Variants in MACROD2 observed in about 807,000 individuals in gnomAD.
MACROD2 encodes the protein ADP-ribose glycohydrolase MACROD2.
In MACROD2, 36 loss-of-function variants were observed where a neutral mutation model predicts 70.4. The ratio of observed to expected loss-of-function variants is 0.51; its 90% CI spans 0.39 to 0.68. The LOEUF (loss-of-function observed/expected upper bound fraction) is 0.68, where lower values mean the gene tolerates loss of function less well. Among genes scored for constraint, MACROD2 ranks in the 30% least tolerant of loss-of-function variants. The probability of loss-of-function intolerance (pLI) is 0.00; values close to 1 mark genes in which losing one functional copy is unlikely to be tolerated. For missense variants in MACROD2, 496 were observed against 538.4 expected (o/e 0.92, Z 0.78); for synonymous variants, 172 against 178.8 (o/e 0.96, Z 0.30).
chr20:14,174,480 T>C (rs1397254061), intron 3 of MACROD2, among the ~76,000 whole-genome samples: 1 of 152,034 alleles, frequency 6.6e-6, no homozygotes, highest in African/African-American at 2.4e-5. Flanking sequence ...CTCACCCAGC[T>C]CCCATACAGC....
intron 4 of MACROD2, chr20:14,636,459 AC>A (rs984866576): frequency 2.6e-5 from 4 of 151,732 alleles, no homozygotes; most frequent in Admixed American, 1.3e-4. Context: ...TTAAGCTTAC[AC>A]CCCTGATTGA....
intron 4 of MACROD2, among the ~76,000 whole-genome samples, chr20:14,507,773 G>A (rs1195020309): frequency 6.6e-6 from 1 of 152,182 alleles, no homozygotes; most frequent in Non-Finnish European, 1.5e-5. Flanking sequence ...GGTGGCCCAT[G>A]TCCGTGATAC....
chr20:16,004,319 G>A lies in MACROD2; in HGVS notation c.1153+17161G>A, dbSNP rs560273541. Among the ~76,000 whole-genome samples the A allele has an allele frequency of 5.3e-4, 81 of 152,294 alleles. 1 individual carries two copies. The highest frequency in any genetic ancestry group is 1.3e-3 in the African/African-American group (55 of 41,560). ...ATGGACAAGGGAACACAGAGACCGC[G>A]TGCCTAGGTTAGAAGAGTACAGAAC... On this transcript the variant is annotated intron_variant, in intron 15 of 17. Transcript: ENST00000684519.
At position 15,803,172 on chromosome 20, in the gene MACROD2, C is replaced by T. The variant is rs75958409; in HGVS notation, c.646-59573C>T. Reference sequence around the variant, plus strand: ...CTAACTCACCCTATGAGGCTAGCATCACTCTGATACCAAAACCAGGCAAGG... The same window carrying T: ...CTAACTCACCCTATGAGGCTAGCATTACTCTGATACCAAAACCAGGCAAGG... On this transcript the variant is annotated intron_variant, in intron 8 of 17. Transcript: ENST00000684519. 1.7e-3 allele frequency among the ~76,000 whole-genome samples: 252 copies of T among 152,196 alleles called. 2 individuals are homozygous for T. In the East Asian group the frequency reaches 0.036, roughly 22 times the overall value.
chr20:15,360,295 C>G (rs959904290), intron 6 of MACROD2, among the ~76,000 whole-genome samples: 1 of 152,052 alleles, frequency 6.6e-6, no homozygotes, highest in African/African-American at 2.4e-5. Flanking sequence ...TTGACTATTA[C>G]AAATAAAAGT....
intron 3 of MACROD2, among the ~76,000 whole-genome samples, chr20:14,329,739 A>C (rs1460024930): frequency 2.6e-5 from 4 of 151,804 alleles, no homozygotes; most frequent in African/African-American, 9.7e-5. Context: ...CTTTTTAGGC[A>C]TTTCTGAACA....
chr20:14,682,034 T>C (rs150050197), intron 4 of MACROD2, among the ~76,000 whole-genome samples: 1 of 152,172 alleles, frequency 6.6e-6, no homozygotes, highest in Non-Finnish European at 1.5e-5. Context: ...GCTGTAGTTA[T>C]TATTATTAAA....
At chr20:14,372,892 A>AC (rs910575477) in intron 3 of MACROD2, among the ~76,000 whole-genome samples, 14 of 152,280 alleles carry the variant, frequency 9.2e-5, no homozygotes, top group Non-Finnish European at 1.8e-4. Context: ...GCCTTATTCT[A>AC]CCATGGCTTT....
At chr20:15,436,683 C>T (rs1203901852) in intron 7 of MACROD2, among the ~76,000 whole-genome samples, 1 of 151,780 alleles carries the variant, frequency 6.6e-6, no homozygotes, top group Non-Finnish European at 1.5e-5. Flanking sequence ...TATTTGAAGC[C>T]CTCTTCCTCC....
chr20:15,650,192 G>A (rs1329416833), intron 8 of MACROD2, among the ~76,000 whole-genome samples: 1 of 152,058 alleles, frequency 6.6e-6, no homozygotes, highest in Non-Finnish European at 1.5e-5. Context: ...AATCTGGCTG[G>A]GCTCAGCAAT....
At chr20:15,079,259 A>G (rs1053977318) in intron 5 of MACROD2, among the ~76,000 whole-genome samples, 2 of 151,706 alleles carry the variant, frequency 1.3e-5, no homozygotes, top group Admixed American at 1.3e-4. Context: ...TTTTTCCCCC[A>G]TGACTACTTT....
chr20:14,615,318 C>T (rs1983412769), intron 4 of MACROD2, among the ~76,000 whole-genome samples: 1 of 152,068 alleles, frequency 6.6e-6, no homozygotes, highest in Admixed American at 6.6e-5. Flanking sequence ...GGGAATAAGT[C>T]CTTCATTCCT....
chr20:15,568,648 C>A (rs1019086461), intron 8 of MACROD2, among the ~76,000 whole-genome samples: 56 of 152,106 alleles, frequency 3.7e-4, no homozygotes, highest in African/African-American at 1.3e-3. Context: ...TCATGTAGTT[C>A]CAAATGAACT....
At chr20:16,014,519 T>C (rs2066904647) in intron 15 of MACROD2, among the ~76,000 whole-genome samples, 2 of 152,178 alleles carry the variant, frequency 1.3e-5, no homozygotes, top group African/African-American at 4.8e-5. Flanking sequence ...TTTTCCCATT[T>C]CTCTCATTTG....
intron 11 of MACROD2, among the ~76,000 whole-genome samples, chr20:15,936,671 G>GTGTATATATATATATATATATATATA (rs1555797416): frequency 1.9e-3 from 268 of 143,196 alleles, no homozygotes; most frequent in Middle Eastern, 3.7e-3. Flanking sequence ...GTATATGTGT[G>GTGTATATATATATATATATATATATA]TATATATATA....
chr20:15,650,444 ATCT>A (rs1700082650), intron 8 of MACROD2, among the ~76,000 whole-genome samples: 1 of 152,102 alleles, frequency 6.6e-6, no homozygotes, highest in Admixed American at 6.6e-5. Context: ...CACTTTTGTT[ATCT>A]TCTTTAATTG....
At chr20:14,131,944 A>T (rs2054723759) in intron 3 of MACROD2, among the ~76,000 whole-genome samples, 1 of 152,044 alleles carries the variant, frequency 6.6e-6, no homozygotes. Context: ...ATCCTGGCCA[A>T]CACGGTGAAA....
intron 15 of MACROD2, among the ~76,000 whole-genome samples, chr20:16,014,674 C>T (rs1375091865): frequency 6.6e-5 from 10 of 152,206 alleles, no homozygotes; most frequent in Admixed American, 6.5e-4. Flanking sequence ...GTCCCTGGCT[C>T]CCCAGCCTAA....
chr20:14,325,542 G>T lies in MACROD2; in HGVS notation c.272-167937G>T, dbSNP rs370632066. 11 of 1,595,162 alleles carry T rather than the reference G, an allele frequency of 6.9e-6. No homozygotes were observed. The Admixed American group carries it at 1.2e-4, about 17-fold the overall frequency. On this transcript the variant is annotated intron_variant, in intron 3 of 17. Coordinates refer to ENST00000684519, the MANE Select transcript of MACROD2 (RefSeq NM_001351661.2). ...AAAAAACCCAAAACACAAGTCTGCT[G>T]TGAGTCCTTCAGCATCATGAGTGTG...
Sources: allele counts gnomAD v4.1 joint callset (sites outside exome capture counted in the v4.1 genomes callset), GRCh38; gene constraint gnomAD v4.1.1; transcripts MANE v1.5; gene names NCBI Gene and HGNC (gene_info 2026-07-23, HGNC 2026-07-21).